Variants in LINGO2 observed in about 807,000 individuals in gnomAD.
LINGO2 encodes the protein leucine rich repeat and Ig domain containing 2, also known as leucine-rich repeat and immunoglobulin-like domain-containing nogo receptor-interacting protein 2.
A neutral mutation model predicts 30.6 loss-of-function variants in LINGO2; 14 were observed. The observed-to-expected ratio is 0.46, with a 90% CI of 0.30 to 0.72. The LOEUF (loss-of-function observed/expected upper bound fraction) is 0.72. Among genes scored for constraint, LINGO2 ranks in the 30% least tolerant of loss-of-function variants. The pLI, the probability that LINGO2 is intolerant of heterozygous loss-of-function variation, is 0.07. For synonymous variants in LINGO2, 317 were observed against 288.5 expected (o/e 1.10, Z -1.00); for missense variants, 729 against 751.7 (o/e 0.97, Z 0.35).
chr9:28,387,106 A>G (rs1192383581), intron 2 of LINGO2, among the ~76,000 whole-genome samples: 1 of 152,148 alleles, frequency 6.6e-6, no homozygotes, highest in South Asian at 2.1e-4. Context: ...TAAACACACC[A>G]ATCAGCACTC....
the LINGO2 span, among the ~76,000 whole-genome samples, chr9:29,006,902 C>T: frequency 0.058 from 8,868 of 152,050 alleles, 382 homozygotes; most frequent in Non-Finnish European, 0.075. Context: ...GCAGCATTAG[C>T]TCTGTGAAAT....
intron 3 of LINGO2, among the ~76,000 whole-genome samples, chr9:28,306,294 G>A (rs1824350310): frequency 6.6e-6 from 1 of 152,026 alleles, no homozygotes; most frequent in Admixed American, 6.6e-5. Flanking sequence ...GAAAAGGAAA[G>A]GAAAGAAGGA....
At chr9:29,071,153 A>AG in the LINGO2 span, among the ~76,000 whole-genome samples, 2 of 91,556 alleles carry the variant, frequency 2.2e-5, no homozygotes, top group Non-Finnish European at 4.4e-5. Flanking sequence ...ATCACAGAGA[A>AG]TTATTGTATT....
rs115125530 is a variant in LINGO2 at position 28,659,982 on chromosome 9, G to C, written c.-365+10218C>G. On this transcript the variant is annotated intron_variant, in intron 1 of 5. Transcript: ENST00000379992. ...CTGCAGGAGGAAGTAAATAATCCTG[G>C]AAGAAAAATGTCAGATAGAAAAAGG... Among the ~76,000 whole-genome samples, 1,409 of 152,234 alleles carry C rather than the reference G, an allele frequency of 9.3e-3. 21 individuals carry two copies. The highest frequency in any genetic ancestry group is 0.033 in the African/African-American group (1,356 of 41,556).
At chr9:28,563,695 C>T (rs1823218932) in intron 1 of LINGO2, among the ~76,000 whole-genome samples, 1 of 152,106 alleles carries the variant, frequency 6.6e-6, no homozygotes, top group Non-Finnish European at 1.5e-5. Context: ...CGCTCAGATT[C>T]CCTGGCATAA....
the LINGO2 span, among the ~76,000 whole-genome samples, chr9:29,006,991 T>G: frequency 6.6e-6 from 1 of 152,116 alleles, no homozygotes; most frequent in Admixed American, 6.6e-5. Flanking sequence ...CATCTGCAAC[T>G]CTATAGCATC....
chr9:28,736,301 T>C, the LINGO2 span, among the ~76,000 whole-genome samples: 1 of 152,170 alleles, frequency 6.6e-6, no homozygotes. Flanking sequence ...CCCAGTCTTT[T>C]GCCTGGGTCA....
chr9:27,942,888 G>C, the LINGO2 span: 184 of 136,190 alleles, frequency 1.4e-3, no homozygotes, highest in African/African-American at 4.3e-3. Context: ...GAAAACAACT[G>C]TCTTGTTATG....
chr9:28,259,740 G>A (rs1481463047), intron 4 of LINGO2, among the ~76,000 whole-genome samples: 1 of 151,812 alleles, frequency 6.6e-6, no homozygotes, highest in African/African-American at 2.4e-5. Context: ...GATCAAGAAG[G>A]GAAAGACTAG....
chr9:28,924,255 C>T, the LINGO2 span, among the ~76,000 whole-genome samples: 3 of 152,132 alleles, frequency 2.0e-5, no homozygotes, highest in Non-Finnish European at 4.4e-5. Flanking sequence ...GAGTCTCACT[C>T]TGTCACCCAG....
At chr9:28,790,561 C>T in the LINGO2 span, among the ~76,000 whole-genome samples, 4 of 151,318 alleles carry the variant, frequency 2.6e-5, no homozygotes, top group Admixed American at 2.6e-4. Context: ...GTCTTGATCT[C>T]CTGACGTCGT....
the LINGO2 span, among the ~76,000 whole-genome samples, chr9:28,753,601 T>G: frequency 6.6e-6 from 1 of 152,050 alleles, no homozygotes; most frequent in African/African-American, 2.4e-5. Flanking sequence ...AATTTCTGGC[T>G]CTTTGTATTT....
At chr9:28,673,631 C>T (rs567377174), upstream of LINGO2, among the ~76,000 whole-genome samples, 7 of 152,084 alleles carry the variant, frequency 4.6e-5, no homozygotes, top group Admixed American at 6.5e-5. Context: ...CACGCCACTA[C>T]ACTCCACCCT....
chr9:29,097,466 T>C, the LINGO2 span, among the ~76,000 whole-genome samples: 4 of 138,524 alleles, frequency 2.9e-5, 1 homozygote, highest in African/African-American at 1.1e-4. Flanking sequence ...TTTAAAATAC[T>C]GTAATTAGAA....
the LINGO2 span, among the ~76,000 whole-genome samples, chr9:28,909,609 G>T: frequency 1.2e-4 from 18 of 152,048 alleles, 1 homozygote; most frequent in African/African-American, 4.3e-4. Flanking sequence ...AATGTCTTGG[G>T]CTTCAATATC....
At chr9:28,942,717 T>G in the LINGO2 span, among the ~76,000 whole-genome samples, 1 of 152,212 alleles carries the variant, frequency 6.6e-6, no homozygotes, top group African/African-American at 2.4e-5. Flanking sequence ...ACTGTATACT[T>G]AAAAGTTTTT....
chr9:29,102,551 T>C, the LINGO2 span, among the ~76,000 whole-genome samples: 1 of 152,148 alleles, frequency 6.6e-6, no homozygotes, highest in African/African-American at 2.4e-5. Context: ...ATTATAAGAA[T>C]AATGAGGTTT....
chr9:28,311,781 T>C (rs982302564), intron 3 of LINGO2, among the ~76,000 whole-genome samples: 1 of 152,138 alleles, frequency 6.6e-6, no homozygotes, highest in Non-Finnish European at 1.5e-5. Flanking sequence ...CACAAGGTCC[T>C]GAGGCAACAT....
At chr9:29,105,571 T>C in the LINGO2 span, among the ~76,000 whole-genome samples, 1 of 152,144 alleles carries the variant, frequency 6.6e-6, no homozygotes, top group Non-Finnish European at 1.5e-5. Flanking sequence ...TTCCTTCCCT[T>C]GAGTATGGGA....
Sources: allele counts gnomAD v4.1 joint callset (sites outside exome capture counted in the v4.1 genomes callset), GRCh38; gene constraint gnomAD v4.1.1; transcripts MANE v1.5; gene names NCBI Gene and HGNC (gene_info 2026-07-23, HGNC 2026-07-21).